PIK3C2G: variants seen among roughly 807,000 people sequenced by gnomAD.
The protein encoded by PIK3C2G is phosphatidylinositol-4-phosphate 3-kinase catalytic subunit type 2 gamma, also known as phosphatidylinositol 3-kinase C2 domain-containing subunit gamma.
PIK3C2G carries 168 observed loss-of-function variants against 181.1 expected under a neutral mutation model. The ratio of observed to expected loss-of-function variants is 0.93; its 90% CI spans 0.82 to 1.05. The LOEUF is 1.05. PIK3C2G is among the 50% of genes least tolerant of loss of function. The pLI is 0.00. For missense variants in PIK3C2G, 1,869 were observed against 1,732.8 expected (o/e 1.08, Z -1.40); for synonymous variants, 573 against 592.2 (o/e 0.97, Z 0.47).
chr12:18,598,337 A>T (rs199668098), intron 30 of PIK3C2G, among the ~76,000 whole-genome samples: 463 of 150,636 alleles, frequency 3.1e-3, no homozygotes, highest in Middle Eastern at 6.8e-3. Context: ...CCCTCAGAAA[A>T]AACGCCGCAT....
rs1275810184 is a variant in PIK3C2G at position 18,436,318 on chromosome 12, T to C, written c.2504+12279T>C. On this transcript the variant is annotated intron_variant, in intron 18 of 32. Transcript: ENST00000538779. ...TAACTTCTCATATTATTTGCCAGAATTGGGTCCCTTATCATGAACCCATCA... is the reference window on the plus strand; with the variant it reads ...TAACTTCTCATATTATTTGCCAGAACTGGGTCCCTTATCATGAACCCATCA... Among the ~76,000 whole-genome samples, 4 of 152,076 alleles carry C rather than the reference T, an allele frequency of 2.6e-5. No homozygotes were observed. The East Asian group carries it at 5.8e-4, about 22-fold the overall frequency.
chr12:18,601,068 A>G (rs1488957901), intron 30 of PIK3C2G, among the ~76,000 whole-genome samples: 1 of 152,072 alleles, frequency 6.6e-6, no homozygotes, highest in African/African-American at 2.4e-5. Flanking sequence ...TAAATAAAAT[A>G]TTAGCCAAAA....
chr12:18,647,975 A>G lies in PIK3C2G; in HGVS notation c.4408A>G (p.Ser1470Gly). 1 of 1,600,398 alleles carries G rather than the reference A, an allele frequency of 6.2e-7. No homozygotes were observed. Among genetic ancestry groups the G allele is most frequent in the Non-Finnish European group, 8.5e-7 (1 of 1,171,964 alleles). Residue 1470 changes from serine (S) to glycine (G), a missense_variant, in exon 33 of 33, where the codon AGT becomes GGT. Ser to Gly is a moderately conservative substitution (Grantham distance 56). Coordinates refer to ENST00000538779, the MANE Select transcript of PIK3C2G (RefSeq NM_001288772.2). ...GGGAGCAATTAACATCCGACTCTGT[A>G]GTGTCCCACTCGATAAAGAAAAATG... ...FVGAINIRLC[S>G]VPLDKEKWYP...
chr12:18,580,023 C>T lies in PIK3C2G; in HGVS notation c.4011+12966C>T, dbSNP rs552198375. ...TGGCGCGCACCTGTAGTCCCAGCTACTTGGGAGGCTGAGGCAGGAGAATTG... is the reference window on the plus strand; with the variant it reads ...TGGCGCGCACCTGTAGTCCCAGCTATTTGGGAGGCTGAGGCAGGAGAATTG... On this transcript the variant is annotated intron_variant, in intron 29 of 32. Transcript: ENST00000538779. 1.3e-4 allele frequency among the ~76,000 whole-genome samples: 19 copies of T among 151,838 alleles called. No homozygotes were observed. The South Asian group carries it at 3.5e-3, about 28-fold the overall frequency.
chr12:18,529,144 G>A (rs1943407872), intron 24 of PIK3C2G, among the ~76,000 whole-genome samples: 1 of 139,126 alleles, frequency 7.2e-6, no homozygotes, highest in Non-Finnish European at 1.5e-5. Flanking sequence ...TCTTTAGTTA[G>A]CATCTTGCAT....
chr12:18,392,358 C>A (rs1396918128), intron 15 of PIK3C2G, among the ~76,000 whole-genome samples: 2 of 152,026 alleles, frequency 1.3e-5, no homozygotes, highest in Admixed American at 6.6e-5. Context: ...CAGGAGTTTT[C>A]TTTTGAGTAA....
intron 29 of PIK3C2G, among the ~76,000 whole-genome samples, chr12:18,586,656 A>G (rs906454385): frequency 9.9e-5 from 15 of 152,164 alleles, no homozygotes; most frequent in African/African-American, 3.4e-4. Context: ...GAAGAGCTGT[A>G]AAATTATTAC....
At chr12:18,605,315 AC>A (rs1294500931) in intron 30 of PIK3C2G, among the ~76,000 whole-genome samples, 1 of 152,116 alleles carries the variant, frequency 6.6e-6, no homozygotes, top group Non-Finnish European at 1.5e-5. Context: ...GAAAAATACA[AC>A]CCTTGTAGCT....
intron 18 of PIK3C2G, among the ~76,000 whole-genome samples, chr12:18,473,939 A>T (rs1409045244): frequency 6.6e-6 from 1 of 152,076 alleles, no homozygotes; most frequent in African/African-American, 2.4e-5. Flanking sequence ...TTTAGCAGGT[A>T]TTTTGATGGA....
chr12:18,567,478 C>T (rs1470303909), intron 29 of PIK3C2G, among the ~76,000 whole-genome samples: 2 of 152,008 alleles, frequency 1.3e-5, no homozygotes, highest in South Asian at 4.1e-4. Context: ...GTATAAAATA[C>T]ATGAACTGAG....
intron 31 of PIK3C2G, among the ~76,000 whole-genome samples, chr12:18,639,092 G>A (rs2136784779): frequency 6.6e-6 from 1 of 152,022 alleles, no homozygotes; most frequent in East Asian, 1.9e-4. Flanking sequence ...GGTATACCTT[G>A]AGCTCCAATA....
At chr12:18,652,809 TG>T (rs1950573597), downstream of PIK3C2G, among the ~76,000 whole-genome samples, 1 of 148,536 alleles carries the variant, frequency 6.7e-6, no homozygotes, top group Non-Finnish European at 1.5e-5. Flanking sequence ...AGAATTATTA[TG>T]TCTCCAGAGA....
chr12:18,303,086 T>TTTTTC (rs1174730012), intron 5 of PIK3C2G, among the ~76,000 whole-genome samples: 1 of 125,402 alleles, frequency 8.0e-6, no homozygotes, highest in African/African-American at 3.2e-5. Context: ...AAGTAATTTC[T>TTTTTC]TTTTCTTTTC....
chr12:18,318,386 C>A (rs866625166), intron 6 of PIK3C2G, among the ~76,000 whole-genome samples: 4 of 151,972 alleles, frequency 2.6e-5, no homozygotes, highest in Admixed American at 2.6e-4. Flanking sequence ...TCTTCATTAT[C>A]TGAATTGCCC....
chr12:18,362,014 A>G (rs1046861587), intron 11 of PIK3C2G, among the ~76,000 whole-genome samples: 1 of 152,042 alleles, frequency 6.6e-6, no homozygotes, highest in Non-Finnish European at 1.5e-5. Flanking sequence ...CATCTAGGGT[A>G]TGCAGGGTCC....
chr12:18,720,586 G>A, the PIK3C2G span, among the ~76,000 whole-genome samples: 8 of 151,496 alleles, frequency 5.3e-5, no homozygotes, highest in Non-Finnish European at 1.0e-4. Context: ...GGTAATAATA[G>A]GATCTACCCT....
At chr12:18,396,333 T>C (rs1001951246) in intron 15 of PIK3C2G, among the ~76,000 whole-genome samples, 3 of 151,606 alleles carry the variant, frequency 2.0e-5, no homozygotes, top group Admixed American at 1.3e-4. Context: ...TGATAAAAAC[T>C]CACAAAACTA....
intron 25 of PIK3C2G, among the ~76,000 whole-genome samples, chr12:18,540,293 T>C (rs1243183134): frequency 6.6e-6 from 1 of 151,876 alleles, no homozygotes; most frequent in African/African-American, 2.4e-5. Context: ...TAACTACATG[T>C]GAGGAATAGT....
At chr12:18,467,858 G>A (rs2135963200) in intron 18 of PIK3C2G, among the ~76,000 whole-genome samples, 1 of 152,048 alleles carries the variant, frequency 6.6e-6, no homozygotes, top group East Asian at 1.9e-4. Flanking sequence ...AGTAGCACAT[G>A]CCCAATAACC....
Sources: gnomAD v4.1 joint callset for allele counts (sites outside exome capture counted in the v4.1 genomes callset) on GRCh38, gnomAD v4.1.1 for gene constraint, MANE v1.5 for transcripts, NCBI Gene and HGNC (gene_info 2026-07-23, HGNC 2026-07-21) for gene names.